The following MIPEP variants were observed in gnomAD, a reference collection of about 807,000 sequenced individuals.
MIPEP encodes mitochondrial intermediate peptidase.
MIPEP carries 79 observed loss-of-function variants against 90.3 expected under a neutral mutation model. That is an observed-to-expected ratio of 0.87 (90% CI 0.73 to 1.05). The LOEUF is 1.05. Ranked by LOEUF, MIPEP falls within the 50% of genes least tolerant of loss-of-function variation. The pLI, the probability that MIPEP is intolerant of heterozygous loss-of-function variation, is 0.00. For synonymous variants in MIPEP, 334 were observed against 315.8 expected (o/e 1.06, Z -0.61); for missense variants, 940 against 905.6 (o/e 1.04, Z -0.49).
intron 18 of MIPEP, among the ~76,000 whole-genome samples, chr13:23,744,781 T>C (rs899397478): frequency 6.6e-6 from 1 of 152,240 alleles, no homozygotes; most frequent in Non-Finnish European, 1.5e-5. Context: ...ATTAGTTTTA[T>C]TGAAAGTATT....
At chr13:23,786,185 C>CTTT (rs1256540598) in intron 16 of MIPEP, among the ~76,000 whole-genome samples, 3 of 151,082 alleles carry the variant, frequency 2.0e-5, no homozygotes, top group African/African-American at 7.3e-5. Flanking sequence ...CATGACTAAG[C>CTTT]CCCTGCATGC....
chr13:23,826,150 C>T (rs1019183181), intron 14 of MIPEP, among the ~76,000 whole-genome samples: 1 of 151,980 alleles, frequency 6.6e-6, no homozygotes, highest in Non-Finnish European at 1.5e-5. Flanking sequence ...ATCGGGGAAA[C>T]TATGCTTTTA....
rs563872106 is a variant in MIPEP at position 23,764,531 on chromosome 13, C to T, written c.1849-4314G>A. Among the ~76,000 whole-genome samples, 14 of 152,278 alleles carry T rather than the reference C, an allele frequency of 9.2e-5. No homozygotes were observed. In the South Asian group the frequency reaches 2.7e-3, roughly 29 times the overall value. On this transcript the variant is annotated intron_variant, in intron 16 of 18. Transcript: ENST00000382172. The stretch of plus-strand genomic sequence containing the variant: ...TAACTGTGTGCTAGATATGGAATAA[C>T]GGAACTAACCATTTCTCCCAATTAT...
At chr13:23,792,462 T>C (rs760047349) in intron 16 of MIPEP, among the ~76,000 whole-genome samples, 7 of 152,216 alleles carry the variant, frequency 4.6e-5, no homozygotes, top group East Asian at 1.9e-4. Context: ...TCACAGCTCA[T>C]TGCCTTGACT....
At chr13:23,768,304 G>GT (rs1457949807) in intron 16 of MIPEP, among the ~76,000 whole-genome samples, 1 of 152,174 alleles carries the variant, frequency 6.6e-6, no homozygotes, top group Non-Finnish European at 1.5e-5. Flanking sequence ...TATGACACCT[G>GT]TAACTTTTAA....
chr13:23,856,699 T>C (rs980078464), intron 10 of MIPEP, among the ~76,000 whole-genome samples: 2 of 152,128 alleles, frequency 1.3e-5, no homozygotes, highest in African/African-American at 2.4e-5. Flanking sequence ...GTTTCTTTAC[T>C]TCATTCTGTT....
intron 16 of MIPEP, among the ~76,000 whole-genome samples, chr13:23,787,072 T>C (rs749959515): frequency 1.7e-4 from 26 of 152,130 alleles, no homozygotes; most frequent in Non-Finnish European, 2.1e-4. Context: ...CGCAGGTAAG[T>C]GGCAAGCAGA....
intron 14 of MIPEP, among the ~76,000 whole-genome samples, chr13:23,823,424 A>G (rs941364493): frequency 3.3e-5 from 5 of 152,240 alleles, no homozygotes; most frequent in African/African-American, 1.2e-4. Context: ...GAAACATCTG[A>G]CTTTCTCAAT....
intron 16 of MIPEP, among the ~76,000 whole-genome samples, chr13:23,797,438 ACT>A (rs1952975288): frequency 6.6e-6 from 1 of 151,838 alleles, no homozygotes; most frequent in Non-Finnish European, 1.5e-5. Context: ...CCCCTCCTGT[ACT>A]CTGTTTCTGA....
chr13:23,839,701 A>G lies in MIPEP; in HGVS notation c.1286T>C (p.Leu429Ser), dbSNP rs753834144. The G allele has an allele frequency of 4.3e-6, 7 of 1,612,890 alleles. No homozygotes were observed. The Admixed American group carries it at 1.0e-4, about 23-fold the overall frequency. Residue 429 changes from leucine to serine, a missense_variant, in exon 12 of 19, where the codon TTG becomes TCG. Leu to Ser is a moderately radical substitution (Grantham distance 145, BLOSUM62 -2). Transcript: ENST00000382172. ...KLAVVHESEG[L>S]LGYIYCDFFQ... ...AAAATCACAGTAAATGTACCCCAAC[A>G]ATCCTTCAGATTCATGAACAACAGC...
chr13:23,846,192 C>T (rs1869529562), intron 10 of MIPEP, among the ~76,000 whole-genome samples: 1 of 152,124 alleles, frequency 6.6e-6, no homozygotes, highest in African/African-American at 2.4e-5. Context: ...TATATTGATG[C>T]TCTTTTTCTT....
chr13:23,748,376 A>G (rs1952405986), intron 18 of MIPEP, among the ~76,000 whole-genome samples: 1 of 152,204 alleles, frequency 6.6e-6, no homozygotes, highest in African/African-American at 2.4e-5. Flanking sequence ...CCTATCACAG[A>G]GCTTAGACTT....
intron 14 of MIPEP, among the ~76,000 whole-genome samples, chr13:23,817,508 CCACTACCAAACCT>C (rs1953254277): frequency 2.6e-5 from 4 of 152,242 alleles, no homozygotes; most frequent in African/African-American, 9.6e-5. Flanking sequence ...AATCTCTCCC[CCACTACCAAACCT>C]CACTGCAGTA....
chr13:23,783,252 C>T (rs1398656419), intron 16 of MIPEP, among the ~76,000 whole-genome samples: 1 of 152,184 alleles, frequency 6.6e-6, no homozygotes, highest in African/African-American at 2.4e-5. Flanking sequence ...GCTTATCCAC[C>T]ATGATCAAGT....
Position 23,801,169 on chromosome 13 carries a change from T to C in MIPEP, c.1848+4781A>G, listed in dbSNP as rs934060334. ...GGAGACAAGTTTACAGGGGGAACAC[T>C]GTCACTCTTTGGCCCGCATGGGAAG... On this transcript the variant is annotated intron_variant, in intron 16 of 18. Transcript: ENST00000382172. Among the ~76,000 whole-genome samples the C allele has an allele frequency of 2.6e-5, 4 of 152,362 alleles. No homozygotes were observed. The East Asian group carries it at 5.8e-4, about 22-fold the overall frequency.
At chr13:23,737,900 GGAA>G (rs1186107898) in intron 18 of MIPEP, among the ~76,000 whole-genome samples, 6 of 152,224 alleles carry the variant, frequency 3.9e-5, no homozygotes, top group Admixed American at 2.0e-4. Context: ...TTTAAAGCTT[GGAA>G]GAAGAAGAAT....
At chr13:23,868,385 G>GT (rs1408355943) in intron 7 of MIPEP, among the ~76,000 whole-genome samples, 5 of 152,146 alleles carry the variant, frequency 3.3e-5, no homozygotes, top group Non-Finnish European at 7.4e-5. Flanking sequence ...AGAGTAAGAA[G>GT]TAAGATTGAG....
intron 4 of MIPEP, among the ~76,000 whole-genome samples, chr13:23,877,836 C>T (rs1174130661): frequency 6.6e-6 from 1 of 152,198 alleles, no homozygotes; most frequent in African/African-American, 2.4e-5. Flanking sequence ...CTAAGTGCCA[C>T]GATACTGCAA....
intron 14 of MIPEP, among the ~76,000 whole-genome samples, chr13:23,831,379 A>ATGG (rs1335937637): frequency 9.1e-4 from 2 of 2,202 alleles, no homozygotes; most frequent in African/African-American, 1.5e-3. Flanking sequence ...TAGCTTCCCC[A>ATGG]TGGCGGGGGG....
Sources: allele counts gnomAD v4.1 joint callset (sites outside exome capture counted in the v4.1 genomes callset), GRCh38; gene constraint gnomAD v4.1.1; transcripts MANE v1.5; gene names NCBI Gene and HGNC (gene_info 2026-07-23, HGNC 2026-07-21).